Variants in COL22A1 observed in about 807,000 individuals in gnomAD.
The protein encoded by COL22A1 is collagen alpha-1(XXII) chain.
COL22A1 carries 221 observed loss-of-function variants against 248.9 expected under a neutral mutation model. The ratio of observed to expected loss-of-function variants is 0.89; its 90% CI spans 0.80 to 0.99. The LOEUF (loss-of-function observed/expected upper bound fraction) is 0.99. COL22A1 is among the 50% of genes least tolerant of loss of function. COL22A1 has a pLI of 0.00. For synonymous variants in COL22A1, 891 were observed against 793.4 expected, an observed-to-expected ratio of 1.12 and a Z score of -2.07; for missense variants, 2,240 against 2,179.0, an observed-to-expected ratio of 1.03 and a Z score of -0.56.
intron 1 of COL22A1, among the ~76,000 whole-genome samples, chr8:138,903,832 C>T (rs1814798280): frequency 6.6e-6 from 1 of 152,178 alleles, no homozygotes; most frequent in Non-Finnish European, 1.5e-5. Context: ...CAAGCATCCC[C>T]AGGCCCTCTG....
intron 37 of COL22A1, 152 bp downstream of exon 37, chr8:138,688,765 G>T: frequency 1.5e-6 from 1 of 650,128 alleles, no homozygotes; most frequent in African/African-American, 1.8e-5. Flanking sequence ...ATGAGCCAAT[G>T]GGATGGCACA....
At chr8:138,623,212 C>T (rs1462273383) in intron 52 of COL22A1, among the ~76,000 whole-genome samples, 1 of 148,156 alleles carries the variant, frequency 6.7e-6, no homozygotes, top group Non-Finnish European at 1.5e-5. Context: ...AAACCCTATC[C>T]CAGAGTTACA....
intron 22 of COL22A1, among the ~76,000 whole-genome samples, chr8:138,748,725 T>C (rs1254693712): frequency 6.6e-6 from 1 of 152,194 alleles, no homozygotes; most frequent in Non-Finnish European, 1.5e-5. Context: ...CTGTGGGTTG[T>C]GTTAAGCTCA....
intron 44 of COL22A1, among the ~76,000 whole-genome samples, chr8:138,657,371 A>G (rs1823371998): frequency 6.6e-6 from 1 of 152,230 alleles, no homozygotes; most frequent in Non-Finnish European, 1.5e-5. Context: ...AAATTGGTAT[A>G]TTTTAATGCT....
At chr8:138,860,817 A>G (rs1415159686) in intron 3 of COL22A1, among the ~76,000 whole-genome samples, 2 of 152,090 alleles carry the variant, frequency 1.3e-5, no homozygotes, top group Admixed American at 1.3e-4. Flanking sequence ...CCAAAAAACA[A>G]AAAGACAACT....
chr8:138,683,461 G>A (rs1214895209), intron 39 of COL22A1, among the ~76,000 whole-genome samples: 1 of 152,152 alleles, frequency 6.6e-6, no homozygotes, highest in East Asian at 1.9e-4. Flanking sequence ...GAGACTGGCT[G>A]GTATTTAGCA....
intron 35 of COL22A1, among the ~76,000 whole-genome samples, chr8:138,692,575 T>C (rs1827182420): frequency 6.6e-6 from 1 of 151,726 alleles, no homozygotes; most frequent in African/African-American, 2.4e-5. Flanking sequence ...CGGGCAATGA[T>C]CCATGACAGG....
intron 64 of COL22A1, among the ~76,000 whole-genome samples, chr8:138,590,084 C>T (rs1816908341): frequency 1.3e-5 from 2 of 152,018 alleles, no homozygotes; most frequent in Admixed American, 1.3e-4. Flanking sequence ...AACTTCTATC[C>T]TTTCACTTAG....
chr8:138,810,366 C>T (rs1206199797), intron 9 of COL22A1, among the ~76,000 whole-genome samples: 3 of 152,190 alleles, frequency 2.0e-5, no homozygotes, highest in Admixed American at 6.5e-5. Context: ...AGGATTCCAG[C>T]GGATTTGGGT....
intron 4 of COL22A1, among the ~76,000 whole-genome samples, chr8:138,842,113 G>A (rs1820927879): frequency 6.6e-6 from 1 of 152,186 alleles, no homozygotes; most frequent in Admixed American, 6.5e-5. Context: ...ATGGTGGTCT[G>A]AGTGCAAATC....
chr8:138,591,846 T>G (rs1326823247), intron 63 of COL22A1, among the ~76,000 whole-genome samples: 2 of 152,324 alleles, frequency 1.3e-5, no homozygotes, highest in East Asian at 3.9e-4. Flanking sequence ...TATTAACAAC[T>G]GTATACATAC....
chr8:138,880,394 G>T (rs1483414497), intron 2 of COL22A1, among the ~76,000 whole-genome samples: 3 of 152,176 alleles, frequency 2.0e-5, no homozygotes, highest in Non-Finnish European at 1.5e-5. Flanking sequence ...GAAACTGAGT[G>T]GGAAACACTT....
chr8:138,596,323 C>T (rs2131803409), intron 62 of COL22A1, among the ~76,000 whole-genome samples: 1 of 152,324 alleles, frequency 6.6e-6, no homozygotes, highest in South Asian at 2.1e-4. Context: ...CTGCTCAGGG[C>T]CTTCATACAT....
intron 4 of COL22A1, among the ~76,000 whole-genome samples, chr8:138,834,090 G>C (rs1820253275): frequency 6.6e-6 from 1 of 152,178 alleles, no homozygotes. Context: ...CAGGTTCTCA[G>C]AGGGGCCTGA....
intron 16 of COL22A1, among the ~76,000 whole-genome samples, chr8:138,775,602 T>C (rs1052168227): frequency 6.6e-6 from 1 of 152,142 alleles, no homozygotes; most frequent in African/African-American, 2.4e-5. Context: ...TTATGTAACT[T>C]GCCAAGTAAG....
At chr8:138,759,225 T>C (rs919076474) in intron 18 of COL22A1, among the ~76,000 whole-genome samples, 6 of 152,240 alleles carry the variant, frequency 3.9e-5, no homozygotes, top group South Asian at 4.1e-4. Flanking sequence ...TATTTATTTA[T>C]AACAGATACC....
chr8:138,705,540 A>G (rs1828356233), intron 30 of COL22A1, among the ~76,000 whole-genome samples: 1 of 152,228 alleles, frequency 6.6e-6, no homozygotes, highest in East Asian at 1.9e-4. Context: ...TAAGCTTCAT[A>G]AGTGAAGGAG....
At chr8:138,593,839 C>T (rs1817290347) in intron 63 of COL22A1, among the ~76,000 whole-genome samples, 178 bp downstream of exon 63, 1 of 152,324 alleles carries the variant, frequency 6.6e-6, no homozygotes, top group African/African-American at 2.4e-5. Context: ...GTAAAAATGT[C>T]AAGTATGAAA....
At chr8:138,723,509 C>T (rs1394985181) in intron 25 of COL22A1, among the ~76,000 whole-genome samples, 1 of 152,206 alleles carries the variant, frequency 6.6e-6, no homozygotes, top group Non-Finnish European at 1.5e-5. Context: ...CTTCCTCTAA[C>T]ACGCTCCCCT....
Sources: allele counts gnomAD v4.1 joint callset (sites outside exome capture counted in the v4.1 genomes callset), GRCh38; gene constraint gnomAD v4.1.1; transcripts MANE v1.5; gene names NCBI Gene and HGNC (gene_info 2026-07-23, HGNC 2026-07-21).